The following ARHGAP6 variants were observed in gnomAD, a reference collection of about 807,000 sequenced individuals.
ARHGAP6 encodes Rho GTPase activating protein 6, also known as rho GTPase-activating protein 6.
A neutral mutation model predicts 55.7 loss-of-function variants in ARHGAP6; 16 were observed. The ratio of observed to expected loss-of-function variants is 0.29; its 90% CI spans 0.19 to 0.44. The LOEUF (loss-of-function observed/expected upper bound fraction) is 0.44. ARHGAP6 is among the 20% of genes least tolerant of loss of function. ARHGAP6 has a pLI of 1.00. For missense variants in ARHGAP6, 698 were observed against 808.9 expected, an observed-to-expected ratio of 0.86 and a Z score of 1.66; for synonymous variants, 382 against 360.9, an observed-to-expected ratio of 1.06 and a Z score of -0.66.
intron 1 of ARHGAP6, among the ~76,000 whole-genome samples, chrX:11,261,652 C>A (rs1205562669): frequency 9.0e-6 from 1 of 111,395 alleles, no homozygotes; most frequent in Non-Finnish European, 1.9e-5. Context: ...AGACTAAAGA[C>A]CTTGGCAGTT....
chrX:11,143,012 A>G (rs2045642379), intron 11 of ARHGAP6: 1 of 112,462 alleles, frequency 8.9e-6, no homozygotes, highest in African/African-American at 3.2e-5. Context: ...TGCTATTGGT[A>G]TCACTGGATT....
chrX:11,176,515 T>C (rs891526479), intron 8 of ARHGAP6, among the ~76,000 whole-genome samples: 13 of 105,298 alleles, frequency 1.2e-4, no homozygotes, highest in Admixed American at 9.4e-4. Context: ...AAAATGATTC[T>C]AAAAGGGCAA....
intron 1 of ARHGAP6, among the ~76,000 whole-genome samples, chrX:11,619,886 C>A (rs1156854974): frequency 1.8e-5 from 2 of 111,868 alleles, no homozygotes; most frequent in African/African-American, 6.5e-5. Context: ...CACTTCATTC[C>A]TGAGGATTTT....
chrX:11,449,045 G>A (rs958731988), intron 1 of ARHGAP6, among the ~76,000 whole-genome samples: 1 of 111,085 alleles, frequency 9.0e-6, no homozygotes, highest in Non-Finnish European at 1.9e-5. Flanking sequence ...GGGGCAGCTG[G>A]GAACAAGATG....
intron 1 of ARHGAP6, among the ~76,000 whole-genome samples, chrX:11,616,927 T>C (rs964241511): frequency 1.8e-5 from 2 of 111,544 alleles, no homozygotes; most frequent in South Asian, 7.5e-4. Context: ...GAAACCCGGG[T>C]CTTATTCAAT....
chrX:11,648,837 A>G (rs2052555727), intron 1 of ARHGAP6, among the ~76,000 whole-genome samples: 1 of 111,954 alleles, frequency 8.9e-6, no homozygotes, highest in African/African-American at 3.2e-5. Flanking sequence ...CCTGTGCTAA[A>G]GTTTTTGAGT....
In ARHGAP6 at chrX:11,254,484, G is replaced by A. The variant is rs111621517; in HGVS notation, c.748+64C>T. On this transcript the variant is annotated intron_variant, in intron 2 of 12. Transcript: ENST00000337414. The stretch of plus-strand genomic sequence containing the variant: ...GGTGTGAGAAGAGTTCACAGCTCAC[G>A]GCTTTGGCAGAGCCAATATTTGACT... The A allele has an allele frequency of 2.1e-5, 24 of 1,153,070 alleles. No homozygotes were observed. The African/African-American group carries it at 2.7e-4, about 13-fold the overall frequency.
At chrX:11,451,050 T>C (rs751642774) in intron 1 of ARHGAP6, among the ~76,000 whole-genome samples, 56 of 111,400 alleles carry the variant, frequency 5.0e-4, no homozygotes, top group African/African-American at 1.7e-3. Context: ...GCAGCATAGC[T>C]TGCCCAGGGA....
intron 1 of ARHGAP6, among the ~76,000 whole-genome samples, chrX:11,497,493 G>T (rs2050633915): frequency 9.2e-6 from 1 of 108,290 alleles, no homozygotes; most frequent in Non-Finnish European, 1.9e-5. Flanking sequence ...GATGGGATTA[G>T]TACTCTTATG....
rs745361475 is a variant in ARHGAP6 at position 11,664,589 on chromosome X, C to T, written c.240G>A (p.Ala80=). ...LPAESLGPRL[A]SSSRGPPPRA... ...TGGGGGGCGGACCCCGGGAAGAGGA[C>T]GCCAAGCGAGGGCCGAGACTCTCGG... The change falls in exon 1 of 13, where the codon GCG becomes GCA. Residue 80 remains alanine, a synonymous_variant. Transcript: ENST00000337414. The T allele has an allele frequency of 3.4e-6, 4 of 1,178,281 alleles. No individual in the cohort carries two copies. In the Admixed American group the frequency reaches 7.4e-5, roughly 22 times the overall value.
intron 2 of ARHGAP6, among the ~76,000 whole-genome samples, chrX:11,219,345 C>A (rs1488943336): frequency 1.9e-5 from 2 of 102,948 alleles, no homozygotes; most frequent in African/African-American, 7.3e-5. Flanking sequence ...CCACAATAAA[C>A]ATACGTGTGC....
chrX:11,540,788 T>G (rs1425471506), intron 1 of ARHGAP6, among the ~76,000 whole-genome samples: 3 of 112,727 alleles, frequency 2.7e-5, no homozygotes, highest in African/African-American at 9.7e-5. Flanking sequence ...GCGTTGGAAG[T>G]AGTCCATAAG....
intron 1 of ARHGAP6, among the ~76,000 whole-genome samples, chrX:11,599,118 G>A (rs1356427158): frequency 2.7e-5 from 3 of 111,281 alleles, no homozygotes; most frequent in African/African-American, 9.8e-5. Flanking sequence ...AATAAACCGT[G>A]TGTCTGTGTA....
At chrX:11,515,798 T>G (rs1259093108) in intron 1 of ARHGAP6, among the ~76,000 whole-genome samples, 1 of 112,414 alleles carries the variant, frequency 8.9e-6, no homozygotes, top group African/African-American at 3.2e-5. Context: ...TTCCCTAAAA[T>G]TTAGTTGAGC....
intron 1 of ARHGAP6, among the ~76,000 whole-genome samples, chrX:11,412,269 A>G (rs958549700): frequency 3.6e-5 from 4 of 112,016 alleles, no homozygotes; most frequent in Non-Finnish European, 7.5e-5. Context: ...TTTCCTGATT[A>G]AAGCCAAAAG....
chrX:11,613,765 T>C (rs1181666070), intron 1 of ARHGAP6, among the ~76,000 whole-genome samples: 1 of 112,464 alleles, frequency 8.9e-6, no homozygotes, highest in Non-Finnish European at 1.9e-5. Context: ...CTCACACTCT[T>C]AGGAAGAGTC....
At chrX:11,263,169 T>C (rs1310207322) in intron 1 of ARHGAP6, among the ~76,000 whole-genome samples, 2 of 110,159 alleles carry the variant, frequency 1.8e-5, no homozygotes, top group African/African-American at 6.6e-5. Context: ...GTCCTTGCAA[T>C]AGTGAATTCT....
intron 1 of ARHGAP6, among the ~76,000 whole-genome samples, chrX:11,470,517 A>G (rs937015351): frequency 1.3e-4 from 15 of 112,557 alleles, no homozygotes; most frequent in African/African-American, 4.5e-4. Context: ...TGTGGATGTT[A>G]TTTTAGAATT....
intron 1 of ARHGAP6, among the ~76,000 whole-genome samples, chrX:11,275,830 C>G (rs770667226): frequency 2.8e-3 from 314 of 111,510 alleles, no homozygotes; most frequent in Non-Finnish European, 5.3e-3. Flanking sequence ...AATGGCTTCC[C>G]CATGCCTTCC....
Sources: allele counts gnomAD v4.1 joint callset (sites outside exome capture counted in the v4.1 genomes callset), GRCh38; gene constraint gnomAD v4.1.1; transcripts MANE v1.5; gene names NCBI Gene and HGNC (gene_info 2026-07-23, HGNC 2026-07-21).